SDK1: variants seen among roughly 807,000 people sequenced by gnomAD.
SDK1 encodes sidekick cell adhesion molecule 1.
A neutral mutation model predicts 245.5 loss-of-function variants in SDK1; 157 were observed. The observed-to-expected ratio is 0.64, with a 90% confidence interval of 0.56 to 0.73. SDK1 has a LOEUF of 0.73. SDK1 is among the 30% of genes least tolerant of loss of function. The probability of loss-of-function intolerance (pLI) is 0.00; values close to 1 mark genes in which losing one functional copy is unlikely to be tolerated. For synonymous variants in SDK1, 1,647 were observed against 1,278.5 expected (o/e 1.29, Z -6.15); for missense variants, 3,583 against 3,002.3 (o/e 1.19, Z -4.52).
intron 14 of SDK1, among the ~76,000 whole-genome samples, chr7:4,005,698 A>G (rs6462525): frequency 0.47 from 70,901 of 151,972 alleles, 19,319 homozygotes; most frequent in African/African-American, 0.77. Flanking sequence ...CCACAGAAAT[A>G]TTATGTATTA....
intron 5 of SDK1, among the ~76,000 whole-genome samples, chr7:3,931,468 C>G (rs1317525927): frequency 1.3e-5 from 2 of 152,198 alleles, no homozygotes; most frequent in Non-Finnish European, 2.9e-5. Context: ...TAACCAACAT[C>G]AAGGAACTAT....
chr7:3,975,996 T>TGC (rs1562604973), intron 13 of SDK1, among the ~76,000 whole-genome samples: 1 of 26,800 alleles, frequency 3.7e-5, no homozygotes, highest in East Asian at 1.2e-3. Context: ...GTCCCGGGGC[T>TGC]GAGGCTGCCA....
At chr7:3,912,931 T>A (rs1244925682) in intron 5 of SDK1, among the ~76,000 whole-genome samples, 1 of 152,240 alleles carries the variant, frequency 6.6e-6, no homozygotes, top group East Asian at 1.9e-4. Context: ...AGTCACAGTT[T>A]TCATGTAAGG....
At chr7:3,931,395 T>A (rs1779972912) in intron 5 of SDK1, among the ~76,000 whole-genome samples, 1 of 152,206 alleles carries the variant, frequency 6.6e-6, no homozygotes, top group Non-Finnish European at 1.5e-5. Context: ...GATCAATTTC[T>A]TATTTGTGTC....
At chr7:3,665,968 A>T (rs1189085565) in intron 4 of SDK1, among the ~76,000 whole-genome samples, 6 of 152,094 alleles carry the variant, frequency 3.9e-5, no homozygotes, top group Non-Finnish European at 8.8e-5. Context: ...CGGTTGGCTC[A>T]CACTTCCTAT....
chr7:3,379,184 T>C (rs530051682), intron 1 of SDK1, among the ~76,000 whole-genome samples: 20 of 152,186 alleles, frequency 1.3e-4, no homozygotes, highest in Admixed American at 3.3e-4. Context: ...AACTCTTTAT[T>C]GTGCGGGGCA....
intron 41 of SDK1, among the ~76,000 whole-genome samples, chr7:4,235,750 A>T (rs1786123850): frequency 6.6e-6 from 1 of 152,210 alleles, no homozygotes; most frequent in Non-Finnish European, 1.5e-5. Context: ...ACTCCATCAG[A>T]CGCAGAGCTG....
At chr7:3,633,505 A>T (rs1412806748) in intron 2 of SDK1, among the ~76,000 whole-genome samples, 1 of 152,086 alleles carries the variant, frequency 6.6e-6, no homozygotes, top group Non-Finnish European at 1.5e-5. Flanking sequence ...ACTCAAGAGA[A>T]CTTCTTATAA....
intron 1 of SDK1, among the ~76,000 whole-genome samples, chr7:3,308,761 G>C (rs1018424113): frequency 5.9e-5 from 9 of 152,200 alleles, no homozygotes; most frequent in African/African-American, 2.2e-4. Flanking sequence ...GCAGTGTTTG[G>C]TTGCCTTTTC....
chr7:3,325,758 A>G (rs987806355), intron 1 of SDK1, among the ~76,000 whole-genome samples: 4 of 152,156 alleles, frequency 2.6e-5, no homozygotes, highest in African/African-American at 9.7e-5. Flanking sequence ...TTTTTTACAA[A>G]TTACATAGAT....
In SDK1 at chr7:4,264,403, G is replaced by C. The variant is rs190650814; in HGVS notation, c.6382-721G>C. The stretch of plus-strand genomic sequence containing the variant: ...AGGGAGGCCGTGTGGACCTCTCCTG[G>C]GGTAAGGAAGGCCGCGTGGACCTCT... On this transcript the variant is annotated intron_variant, in intron 44 of 44. Coordinates refer to ENST00000404826, the MANE Select transcript of SDK1 (RefSeq NM_152744.4). 9.1e-4 allele frequency among the ~76,000 whole-genome samples: 125 copies of C among 137,166 alleles called. 5 individuals carry two copies. The East Asian group carries it at 0.022, about 24-fold the overall frequency. The allele number at this position is 137,166 out of a possible 152,430, so 90.0% of individuals were successfully genotyped here.
At chr7:3,385,065 C>T (rs1781577026) in intron 1 of SDK1, among the ~76,000 whole-genome samples, 1 of 152,116 alleles carries the variant, frequency 6.6e-6, no homozygotes, top group South Asian at 2.1e-4. Flanking sequence ...TTTGTCAGTA[C>T]TGTTTCAATA....
At chr7:3,752,660 T>C (rs1327904368) in intron 4 of SDK1, among the ~76,000 whole-genome samples, 1 of 152,212 alleles carries the variant, frequency 6.6e-6, no homozygotes, top group Non-Finnish European at 1.5e-5. Context: ...GTATAATCTT[T>C]TTTCCTCATC....
In SDK1 at chr7:3,723,475, A is replaced by G. The variant is rs144710064; in HGVS notation, c.713+81370A>G. Among the ~76,000 whole-genome samples the G allele has an allele frequency of 9.5e-4, 144 of 152,298 alleles. 1 individual carries two copies. Among genetic ancestry groups the G allele is most frequent in the African/African-American group, 3.4e-3 (141 of 41,564 alleles). On this transcript the variant is annotated intron_variant, in intron 4 of 44. Transcript: ENST00000404826. ...GTAAGTTAAAAGAGATTATTTCTTC[A>G]GTTTTTCTTTATTCACACACTAGTA...
intron 14 of SDK1, among the ~76,000 whole-genome samples, chr7:3,987,634 A>G (rs889862119): frequency 3.9e-5 from 6 of 152,064 alleles, no homozygotes; most frequent in African/African-American, 1.4e-4. Context: ...ATGGGTTAAC[A>G]ATGCCTGCCA....
chr7:3,422,636 G>T (rs1169206585), intron 1 of SDK1, among the ~76,000 whole-genome samples: 1 of 152,070 alleles, frequency 6.6e-6, no homozygotes, highest in Non-Finnish European at 1.5e-5. Flanking sequence ...CACACACCCA[G>T]AAAACATCAA....
chr7:3,651,414 T>C (rs896684836), intron 4 of SDK1, among the ~76,000 whole-genome samples: 1 of 152,232 alleles, frequency 6.6e-6, no homozygotes, highest in African/African-American at 2.4e-5. Context: ...GAGAAATGTG[T>C]TCATTTATTT....
rs576172142 is a variant in SDK1 at position 3,548,305 on chromosome 7, C to G, written c.299-70775C>G. Among the ~76,000 whole-genome samples the G allele has an allele frequency of 5.3e-5, 8 of 152,264 alleles. No homozygotes were observed. In the South Asian group the frequency reaches 1.7e-3, roughly 32 times the overall value. On this transcript the variant is annotated intron_variant, in intron 1 of 44. Coordinates refer to ENST00000404826, the MANE Select transcript of SDK1 (RefSeq NM_152744.4). ...AATAATTGTAGGAACCCTTCCCACA[C>G]TGTATACAAAAATTAATTCTAGATG...
rs76703434 is a variant in SDK1 at position 3,792,371 on chromosome 7, G to C, written c.714-29079G>C. Among the ~76,000 whole-genome samples, 967 of 152,056 alleles carry C rather than the reference G, an allele frequency of 6.4e-3. 9 individuals are homozygous for C. Among genetic ancestry groups the C allele is most frequent in the African/African-American group, 0.022 (906 of 41,464 alleles). The stretch of plus-strand genomic sequence containing the variant: ...TCTTCTCTTTCTTCCATCATTTCTA[G>C]TGAACATTAGATAATTAATTTTGTT... On this transcript the variant is annotated intron_variant, in intron 4 of 44. Transcript: ENST00000404826.
Sources: allele counts gnomAD v4.1 joint callset (sites outside exome capture counted in the v4.1 genomes callset), GRCh38; gene constraint gnomAD v4.1.1; transcripts MANE v1.5; gene names NCBI Gene and HGNC (gene_info 2026-07-23, HGNC 2026-07-21).